Variants in FER1L5 observed in about 807,000 individuals in gnomAD.
FER1L5 encodes the protein fer-1-like protein 5.
Under a neutral mutation model 279.9 loss-of-function variants are expected in FER1L5, and 187 were observed. The ratio of observed to expected loss-of-function variants is 0.67; its 90% CI spans 0.59 to 0.75. FER1L5 has a LOEUF of 0.75. FER1L5 is among the 30% of genes least tolerant of loss of function. FER1L5 has a pLI of 0.00. For missense variants in FER1L5, 2,091 were observed against 2,594.4 expected (o/e 0.81, Z 4.21); for synonymous variants, 921 against 989.7 (o/e 0.93, Z 1.30).
At chr2:96,662,680 G>A (rs768885879) in intron 13 of FER1L5, among the ~76,000 whole-genome samples, 2 of 152,120 alleles carry the variant, frequency 1.3e-5, no homozygotes, top group African/African-American at 2.4e-5. Context: ...GTTCAAATTC[G>A]GACAATGCTA....
intron 7 of FER1L5, 165 bp from the exon 8 acceptor site, chr2:96,653,475 A>G (rs2075468454): frequency 1.6e-6 from 1 of 623,560 alleles, no homozygotes; most frequent in Non-Finnish European, 2.8e-6. Context: ...AGCATTTTTT[A>G]TTTCAGATTT....
Position 96,696,037 on chromosome 2 carries a change from G to T in FER1L5, c.4058-15G>T, listed in dbSNP as rs374885884. ...TCCCCATCCTGAGACTCGTCCCTGC[G>T]CTCTCCCCGCACAGCGCTGTCTGAG... On this transcript the variant is annotated splice_polypyrimidine_tract_variant and intron_variant, in intron 36 of 52. Coordinates refer to ENST00000624922, the MANE Select transcript of FER1L5 (RefSeq NM_001293083.2). The T allele has an allele frequency of 6.2e-7, 1 of 1,613,694 alleles. No individual in the cohort carries two copies. The highest frequency in any genetic ancestry group is 1.3e-5 in the African/African-American group (1 of 74,932).
intron 32 of FER1L5, 32 bp downstream of exon 32, chr2:96,693,719 G>C: frequency 6.5e-7 from 1 of 1,540,996 alleles, no homozygotes; most frequent in Non-Finnish European, 8.8e-7. Flanking sequence ...AAGGGGAAGA[G>C]GACCTACCTC....
chr2:96,661,558 G>C, intron 11 of FER1L5, 110 bp from the exon 12 acceptor site: 1 of 1,519,100 alleles, frequency 6.6e-7, no homozygotes, highest in African/African-American at 1.4e-5. Flanking sequence ...GTCACTGCAG[G>C]GTTGTCCCAT....
intron 9 of FER1L5, among the ~76,000 whole-genome samples, chr2:96,659,290 T>TTGCCTGCCTTCC (rs1553449027): frequency 1.2e-5 from 1 of 80,942 alleles, no homozygotes; most frequent in Non-Finnish European, 2.7e-5. Flanking sequence ...TTTATCAAGC[T>TTGCCTGCCTTCC]TTCCTTCCTT....
chr2:96,672,318 C>T (rs1435614294), intron 18 of FER1L5, among the ~76,000 whole-genome samples: 4 of 152,086 alleles, frequency 2.6e-5, no homozygotes, highest in Non-Finnish European at 2.9e-5. Context: ...CCTTGTGATC[C>T]GCCCGCCTCA....
intron 6 of FER1L5, 146 bp downstream of exon 6, chr2:96,650,435 G>T: frequency 1.5e-6 from 1 of 672,852 alleles, no homozygotes; most frequent in Non-Finnish European, 2.6e-6. Flanking sequence ...CTTGCCACAT[G>T]CCCTGCTCCT....
intron 9 of FER1L5, among the ~76,000 whole-genome samples, chr2:96,656,270 A>G (rs1010695100): frequency 3.3e-5 from 5 of 152,372 alleles, no homozygotes; most frequent in Non-Finnish European, 7.3e-5. Flanking sequence ...TATAATTCCT[A>G]GGTAGCATTA....
chr2:96,649,495 C>T, intron 4 of FER1L5, 128 bp from the exon 5 acceptor site: 1 of 818,666 alleles, frequency 1.2e-6, no homozygotes, highest in Non-Finnish European at 2.0e-6. Context: ...GTGGCCCCAT[C>T]CCATGACTAG....
chr2:96,670,170 C>T lies in FER1L5; in HGVS notation c.1414C>T (p.Leu472=). ...DGLAYRGRVF[L]ELITQIKSYQ... is the part of the protein sequence containing the mutation. ...TTTAGCTTATCGAGGCCGAGTCTTC[C>T]TGGAGTTAATCACCCAAATCAAGTC... Residue 472 remains leucine, a synonymous_variant, in exon 18 of 53, where the codon CTG becomes TTG. Coordinates refer to ENST00000624922, the MANE Select transcript of FER1L5 (RefSeq NM_001293083.2). 6.4e-7 allele frequency: 1 copy of T among 1,551,632 alleles called. No homozygotes were observed. The highest frequency in any genetic ancestry group is 1.2e-5 in the South Asian group (1 of 84,058).
At chr2:96,684,492 C>T (rs114200183) in intron 20 of FER1L5, 41 bp downstream of exon 20, 54,915 of 1,538,026 alleles carry the variant, frequency 0.036, 1,158 homozygotes, top group Non-Finnish European at 0.043. Flanking sequence ...ACACCTGTTT[C>T]AGAGTGTGGC....
At position 96,663,438 on chromosome 2, in the gene FER1L5, G is replaced by A; in HGVS notation, c.1072-1G>A. On this transcript the variant is annotated splice_acceptor_variant, in intron 13 of 52. Coordinates refer to ENST00000624922, the MANE Select transcript of FER1L5 (RefSeq NM_001293083.2). LOFTEE classifies it high-confidence loss of function. ...ACCAACACTGCTTTGGGACATTCCA[G>A]CTCAGGACACACATGCAGACCCAAA... The A allele has an allele frequency of 1.3e-6, 2 of 1,551,578 alleles. No homozygotes were observed. Among genetic ancestry groups the A allele is most frequent in the Non-Finnish European group, 1.7e-6 (2 of 1,146,900 alleles).
chr2:96,659,474 T>C (rs542460402), intron 9 of FER1L5, among the ~76,000 whole-genome samples: 9 of 29,676 alleles, frequency 3.0e-4, no homozygotes, highest in Admixed American at 1.1e-3. Context: ...TCTTTCTTTC[T>C]TTCTTTCTTT....
Position 96,673,116 on chromosome 2 carries a change from T to A in FER1L5, c.1531T>A (p.Phe511Ile). The A allele has an allele frequency of 6.4e-7, 1 of 1,551,648 alleles. No homozygotes were observed. The highest frequency in any genetic ancestry group is 1.2e-5 in the South Asian group (1 of 84,058). ...CCAAAAGTATGGGCTGTGCGTCATC[T>A]TCCTTTCCTGTACCATGATGCCCAA... is the stretch of plus-strand genomic sequence containing the variant. ...NRQKYGLCVI[F>I]LSCTMMPNFK... Residue 511 changes from phenylalanine to isoleucine, a missense_variant, in exon 19 of 53, where the codon TTC (phenylalanine) becomes ATC (isoleucine). Coordinates refer to ENST00000624922, the MANE Select transcript of FER1L5 (RefSeq NM_001293083.2).
At chr2:96,652,998 T>C (rs1205557305) in intron 7 of FER1L5, 1 of 152,484 alleles carries the variant, frequency 6.6e-6, no homozygotes, top group African/African-American at 2.4e-5. Flanking sequence ...GTGGATCACC[T>C]GAGGTCCGGA....
chr2:96,697,178 C>T (rs548460065), intron 37 of FER1L5, among the ~76,000 whole-genome samples: 2 of 152,330 alleles, frequency 1.3e-5, no homozygotes, highest in South Asian at 2.1e-4. Flanking sequence ...TAAAGTGGCA[C>T]TTGTCAAACC....
At chr2:96,677,289 C>T (rs2076544799) in intron 19 of FER1L5, among the ~76,000 whole-genome samples, 1 of 152,076 alleles carries the variant, frequency 6.6e-6, no homozygotes, top group Non-Finnish European at 1.5e-5. Context: ...GTAGTGACTC[C>T]CCTGTCCCCA....
At chr2:96,685,300 T>C (rs1186404732) in intron 20 of FER1L5, 29 bp from the exon 21 acceptor site, 6 of 1,543,328 alleles carry the variant, frequency 3.9e-6, no homozygotes, top group African/African-American at 1.4e-5. Context: ...TGAGGCGGGC[T>C]CTCTCACCAT....
At chr2:96,652,219 C>A in intron 7 of FER1L5, 199 bp downstream of exon 7, 1 of 680,252 alleles carries the variant, frequency 1.5e-6, no homozygotes, top group Non-Finnish European at 2.4e-6. Flanking sequence ...AGCTGGTGGG[C>A]TGGTGGGGGC....
Sources: gnomAD v4.1 joint callset for allele counts (sites outside exome capture counted in the v4.1 genomes callset) on GRCh38, gnomAD v4.1.1 for gene constraint, MANE v1.5 for transcripts, NCBI Gene and HGNC (gene_info 2026-07-23, HGNC 2026-07-21) for gene names.